CRPPA: variants seen among roughly 807,000 people sequenced by gnomAD.
The protein encoded by CRPPA is CDP-L-ribitol pyrophosphorylase A.
CRPPA carries 43 observed loss-of-function variants against 52.0 expected under a neutral mutation model. That is an observed-to-expected ratio of 0.83 (90% CI 0.65 to 1.07). The LOEUF (loss-of-function observed/expected upper bound fraction) is 1.07. Ranked by LOEUF, CRPPA falls within the 50% of genes least tolerant of loss-of-function variation. The pLI is 0.00. For missense variants in CRPPA, 629 were observed against 551.7 expected, an observed-to-expected ratio of 1.14 and a Z score of -1.40; for synonymous variants, 250 against 203.5, an observed-to-expected ratio of 1.23 and a Z score of -1.94.
chr7:16,167,477 T>G (rs1439846553), intron 9 of CRPPA, among the ~76,000 whole-genome samples: 1 of 152,192 alleles, frequency 6.6e-6, no homozygotes, highest in African/African-American at 2.4e-5. Context: ...TGCCCCAGGT[T>G]TTCCGAGATG....
chr7:16,329,805 T>A (rs1785506841), intron 3 of CRPPA, among the ~76,000 whole-genome samples: 1 of 152,198 alleles, frequency 6.6e-6, no homozygotes. Context: ...AGTTCTCTTT[T>A]GGCTGCAATC....
chr7:16,381,810 C>A (rs1028359308), intron 2 of CRPPA, among the ~76,000 whole-genome samples: 1 of 151,892 alleles, frequency 6.6e-6, no homozygotes, highest in Non-Finnish European at 1.5e-5. Flanking sequence ...ACTAGGATTG[C>A]AACCCCTGCC....
intron 9 of CRPPA, among the ~76,000 whole-genome samples, chr7:16,158,246 C>T (rs1323538663): frequency 6.6e-6 from 1 of 151,942 alleles, no homozygotes; most frequent in Non-Finnish European, 1.5e-5. Flanking sequence ...ATTATGAGGC[C>T]TTCTCTAAAA....
At chr7:16,361,869 T>C (rs74557319) in intron 3 of CRPPA, among the ~76,000 whole-genome samples, 1 of 149,482 alleles carries the variant, frequency 6.7e-6, no homozygotes, top group Non-Finnish European at 1.5e-5. Context: ...CTTTTTTTTT[T>C]CTTTAGACAG....
intron 9 of CRPPA, among the ~76,000 whole-genome samples, chr7:16,116,514 C>T (rs1342529396): frequency 1.3e-5 from 2 of 151,722 alleles, no homozygotes; most frequent in Admixed American, 6.6e-5. Flanking sequence ...AAAATACAAA[C>T]ATTAGCCAGG....
At chr7:16,330,548 T>G (rs1291101136) in intron 3 of CRPPA, among the ~76,000 whole-genome samples, 2 of 152,090 alleles carry the variant, frequency 1.3e-5, no homozygotes, top group Non-Finnish European at 2.9e-5. Flanking sequence ...TAGGGAAAGC[T>G]CAAATGTAAT....
chr7:16,164,394 T>C (rs760696106), intron 9 of CRPPA, among the ~76,000 whole-genome samples: 5 of 152,220 alleles, frequency 3.3e-5, no homozygotes, highest in Non-Finnish European at 5.9e-5. Flanking sequence ...CTGGTTATTC[T>C]AGCTAGCAGT....
chr7:16,358,973 T>A (rs1921839), intron 3 of CRPPA, among the ~76,000 whole-genome samples: 16,258 of 152,264 alleles, frequency 0.11, 1,102 homozygotes, highest in East Asian at 0.36. Context: ...ATTTGTTAAA[T>A]CCATAATGTC....
chr7:16,316,016 A>C (rs893719416), intron 3 of CRPPA, among the ~76,000 whole-genome samples: 1 of 152,134 alleles, frequency 6.6e-6, no homozygotes, highest in African/African-American at 2.4e-5. Context: ...AGCTCCCTAC[A>C]TGCCATGCAG....
At chr7:16,300,226 G>A (rs1234244507) in intron 5 of CRPPA, among the ~76,000 whole-genome samples, 1 of 152,196 alleles carries the variant, frequency 6.6e-6, no homozygotes, top group African/African-American at 2.4e-5. Context: ...ACATTGTCAT[G>A]ATCAGAGAAA....
At chr7:16,399,982 C>T (rs1025784011) in intron 2 of CRPPA, among the ~76,000 whole-genome samples, 2 of 152,192 alleles carry the variant, frequency 1.3e-5, no homozygotes, top group African/African-American at 4.8e-5. Context: ...ACGATTGACA[C>T]GTGACTGACG....
chr7:16,380,753 T>C (rs568514721), intron 2 of CRPPA, among the ~76,000 whole-genome samples: 43 of 152,354 alleles, frequency 2.8e-4, no homozygotes, highest in African/African-American at 1.0e-3. Flanking sequence ...ATCCATTTCT[T>C]CTAGATTTTC....
chr7:16,314,232 A>G (rs1160652548), intron 3 of CRPPA, among the ~76,000 whole-genome samples: 1 of 151,742 alleles, frequency 6.6e-6, no homozygotes, highest in Non-Finnish European at 1.5e-5. Flanking sequence ...TGGAAGATTG[A>G]CCCTTCTATC....
intron 8 of CRPPA, among the ~76,000 whole-genome samples, chr7:16,217,546 A>C (rs1230049635): frequency 7.3e-6 from 1 of 136,274 alleles, no homozygotes; most frequent in African/African-American, 2.8e-5. Context: ...ACTTTGAAAA[A>C]AATTTAGAAG....
At chr7:16,222,041 C>T (rs1782524175) in intron 8 of CRPPA, among the ~76,000 whole-genome samples, 1 of 150,180 alleles carries the variant, frequency 6.7e-6, no homozygotes, top group African/African-American at 2.4e-5. Flanking sequence ...GACTTGGAAC[C>T]AACCCAAATG....
intron 3 of CRPPA, among the ~76,000 whole-genome samples, chr7:16,371,760 C>G (rs565937561): frequency 2.0e-5 from 3 of 151,556 alleles, no homozygotes; most frequent in African/African-American, 4.8e-5. Flanking sequence ...GATTATTAAG[C>G]TATTCAAGGA....
Position 16,354,883 on chromosome 7 carries a change from C to T in CRPPA, c.684+21209G>A, listed in dbSNP as rs866352924. Among the ~76,000 whole-genome samples the T allele has an allele frequency of 4.5e-4, 68 of 152,102 alleles. 1 individual carries two copies. Among genetic ancestry groups the T allele is most frequent in the African/African-American group, 1.5e-3 (61 of 41,478 alleles). ...GCATGTATGTAAAAAACATATTAAA[C>T]GTTAAAACTAAACAGCAAAGTTAAA... On this transcript the variant is annotated intron_variant, in intron 3 of 9. Transcript: ENST00000407010.
intron 8 of CRPPA, chr7:16,237,285 A>G (rs1583455079): frequency 1.3e-5 from 2 of 152,246 alleles, no homozygotes; most frequent in Admixed American, 1.3e-4. Flanking sequence ...TGGCTTATTA[A>G]CACCAGAAAT....
At chr7:16,225,922 T>TA in intron 8 of CRPPA, among the ~76,000 whole-genome samples, 1 of 151,872 alleles carries the variant, frequency 6.6e-6, no homozygotes, top group South Asian at 2.1e-4. Context: ...AAAGTAATCT[T>TA]AAAAAAACTT....
Sources: allele counts gnomAD v4.1 joint callset (sites outside exome capture counted in the v4.1 genomes callset), GRCh38; gene constraint gnomAD v4.1.1; transcripts MANE v1.5; gene names NCBI Gene and HGNC (gene_info 2026-07-23, HGNC 2026-07-21).